CRACR2A: variants seen among roughly 807,000 people sequenced by gnomAD.
CRACR2A encodes calcium release activated channel regulator 2A.
A neutral mutation model predicts 90.5 loss-of-function variants in CRACR2A; 79 were observed. That is an observed-to-expected ratio of 0.87 (90% CI 0.73 to 1.05). CRACR2A has a LOEUF of 1.05. Ranked by LOEUF, CRACR2A falls within the 50% of genes least tolerant of loss-of-function variation. CRACR2A has a pLI of 0.00. For missense variants in CRACR2A, 823 were observed against 897.2 expected, an observed-to-expected ratio of 0.92 and a Z score of 1.06; for synonymous variants, 338 against 356.7, an observed-to-expected ratio of 0.95 and a Z score of 0.59.
chr12:3,734,265 C>T (rs1188357153), intron 1 of CRACR2A, among the ~76,000 whole-genome samples: 1 of 108,220 alleles, frequency 9.2e-6, no homozygotes, highest in Non-Finnish European at 2.2e-5. Context: ...GTATGAGCCA[C>T]CCCACCCGGC....
chr12:3,666,848 G>A (rs1370960441), intron 7 of CRACR2A, among the ~76,000 whole-genome samples: 2 of 152,224 alleles, frequency 1.3e-5, no homozygotes, highest in Non-Finnish European at 2.9e-5. Context: ...CCCCTGCCTA[G>A]GCTGTAGGCA....
chr12:3,736,550 G>A (rs1194684009), intron 1 of CRACR2A, among the ~76,000 whole-genome samples: 2 of 151,882 alleles, frequency 1.3e-5, no homozygotes, highest in South Asian at 2.1e-4. Flanking sequence ...TGTGGGATTC[G>A]CCAGTTGAAA....
At chr12:3,657,454 C>G (rs1430283941) in intron 8 of CRACR2A, among the ~76,000 whole-genome samples, 1 of 152,180 alleles carries the variant, frequency 6.6e-6, no homozygotes, top group South Asian at 2.1e-4. Context: ...GGGAACACGG[C>G]CCCCTCGGGC....
chr12:3,648,454 C>T lies in CRACR2A; in HGVS notation c.1118+88G>A, dbSNP rs79670551. On this transcript the variant is annotated intron_variant, in intron 11 of 19. Coordinates refer to ENST00000440314, the MANE Select transcript of CRACR2A (RefSeq NM_001144958.2). Reference sequence around the variant, plus strand: ...TCTCAGCAGGCACGTTTTTCCAGCACGTAGGCAAGGATGACCCTCAGACTG... The same window carrying T: ...TCTCAGCAGGCACGTTTTTCCAGCATGTAGGCAAGGATGACCCTCAGACTG... 55 of 1,603,860 alleles carry T rather than the reference C, an allele frequency of 3.4e-5. 1 individual carries two copies. In the South Asian group the frequency reaches 5.0e-4, roughly 14 times the overall value.
intron 2 of CRACR2A, among the ~76,000 whole-genome samples, chr12:3,714,844 T>C (rs1946059386): frequency 6.6e-6 from 1 of 152,206 alleles, no homozygotes; most frequent in Admixed American, 6.5e-5. Context: ...CAAAGCAATT[T>C]CACAAAAACA....
At chr12:3,636,891 T>TA (rs1183917263) in intron 14 of CRACR2A, among the ~76,000 whole-genome samples, 2 of 93,284 alleles carry the variant, frequency 2.1e-5, no homozygotes, top group African/African-American at 1.1e-4. Context: ...CTGCAGCCAC[T>TA]GGGAAAAGTT....
At chr12:3,643,870 TTA>T (rs796606678) in intron 12 of CRACR2A, among the ~76,000 whole-genome samples, 506 of 44,648 alleles carry the variant, frequency 0.011, 4 homozygotes, top group East Asian at 0.08. Context: ...ATTATATATA[TTA>T]TATATATTTA....
Position 3,704,762 on chromosome 12 carries a change from G to A in CRACR2A, c.-36-7727C>T, listed in dbSNP as rs74055986. 5.6e-3 allele frequency among the ~76,000 whole-genome samples: 854 copies of A among 152,298 alleles called. 11 individuals carry two copies. Among genetic ancestry groups the A allele is most frequent in the African/African-American group, 0.019 (805 of 41,552 alleles). ...TGGCTGAAAATTAAGCAATTTCCCT[G>A]TGAAAACTTTCAGTCTGTTTGTGGA... On this transcript the variant is annotated intron_variant, in intron 3 of 19. Coordinates refer to ENST00000440314, the MANE Select transcript of CRACR2A (RefSeq NM_001144958.2).
At chr12:3,714,856 C>T (rs1363301478) in intron 2 of CRACR2A, among the ~76,000 whole-genome samples, 1 of 152,228 alleles carries the variant, frequency 6.6e-6, no homozygotes. Flanking sequence ...ACAAAAACAT[C>T]TCCTTCAACC....
At chr12:3,751,157 A>G (rs765274975) in intron 1 of CRACR2A, among the ~76,000 whole-genome samples, 1 of 152,216 alleles carries the variant, frequency 6.6e-6, no homozygotes, top group Non-Finnish European at 1.5e-5. Flanking sequence ...CTCCTCTACA[A>G]TATGGAACAA....
In CRACR2A at chr12:3,679,039, G is replaced by T; in HGVS notation, c.400C>A (p.Gln134Lys). Residue 134 changes from glutamine (Q) to lysine (K), a missense_variant, in exon 6 of 20, where the codon CAG (glutamine) becomes AAG (lysine). Coordinates refer to ENST00000440314, the MANE Select transcript of CRACR2A (RefSeq NM_001144958.2). Reference protein sequence around the residue: ...SQEDAGEQVAQRHEEKVYLSR... With the variant: ...SQEDAGEQVAKRHEEKVYLSR... Reference sequence around the variant, plus strand: ...AGATACACCTTCTCTTCATGGCGCTGGGCCACCTGTTCACCTGCATCTTCC... The same window carrying T: ...AGATACACCTTCTCTTCATGGCGCTTGGCCACCTGTTCACCTGCATCTTCC... 3 of 1,613,898 alleles carry T rather than the reference G, an allele frequency of 1.9e-6. No homozygotes were observed. The highest frequency in any genetic ancestry group is 2.5e-6 in the Non-Finnish European group (3 of 1,179,950).
At chr12:3,618,397 C>T (rs1014869893) in intron 18 of CRACR2A, among the ~76,000 whole-genome samples, 1 of 152,182 alleles carries the variant, frequency 6.6e-6, no homozygotes, top group Non-Finnish European at 1.5e-5. Flanking sequence ...TGAATAGCCT[C>T]GTGTCATTTC....
At chr12:3,637,948 C>T (rs1944486770) in intron 14 of CRACR2A, among the ~76,000 whole-genome samples, 176 bp downstream of exon 14, 2 of 152,192 alleles carry the variant, frequency 1.3e-5, no homozygotes, top group African/African-American at 2.4e-5. Flanking sequence ...CCCTGAGTCT[C>T]CCCGCATGAC....
At chr12:3,718,474 G>A (rs944114715) in intron 2 of CRACR2A, among the ~76,000 whole-genome samples, 4 of 152,180 alleles carry the variant, frequency 2.6e-5, no homozygotes, top group African/African-American at 9.7e-5. Flanking sequence ...GACCTGTACT[G>A]TCCAATACAG....
intron 11 of CRACR2A, among the ~76,000 whole-genome samples, chr12:3,646,126 A>G (rs1448574822): frequency 6.6e-6 from 1 of 152,178 alleles, no homozygotes; most frequent in East Asian, 1.9e-4. Flanking sequence ...TGAGGATGGA[A>G]AAGGAGGAGT....
At chr12:3,696,666 G>A (rs775566564) in intron 4 of CRACR2A, 106 bp downstream of exon 4, 51 of 1,467,246 alleles carry the variant, frequency 3.5e-5, no homozygotes, top group Non-Finnish European at 4.5e-5. Flanking sequence ...AGAACTGGTG[G>A]CATCTTTTCT....
intron 2 of CRACR2A, among the ~76,000 whole-genome samples, chr12:3,725,230 A>C (rs1946242389): frequency 6.6e-6 from 1 of 152,198 alleles, no homozygotes; most frequent in Admixed American, 6.5e-5. Flanking sequence ...AATTATCAAA[A>C]ACCAGGTGTC....
chr12:3,693,333 C>T (rs987578096), intron 4 of CRACR2A, among the ~76,000 whole-genome samples: 2 of 152,222 alleles, frequency 1.3e-5, no homozygotes, highest in Admixed American at 1.3e-4. Context: ...CAAGCGCATC[C>T]AGGCTGGGTC....
rs1945533725 is a variant in CRACR2A, at chr12:3,685,355, TC to T, written c.229-5007del. Among the ~76,000 whole-genome samples the T allele has an allele frequency of 2.0e-5, 3 of 152,212 alleles. No individual in the cohort carries two copies. The South Asian group carries it at 6.2e-4, about 31-fold the overall frequency. On this transcript the variant is annotated intron_variant, in intron 4 of 19. Transcript: ENST00000440314. ...TCAAAAAATTTACAAAATAGAATTATCCTATAATCCAGCAATTCCACTTCTG... is the reference window on the plus strand; with the variant it reads ...TCAAAAAATTTACAAAATAGAATTATCTATAATCCAGCAATTCCACTTCTG...
Sources: gnomAD v4.1 joint callset for allele counts (sites outside exome capture counted in the v4.1 genomes callset) on GRCh38, gnomAD v4.1.1 for gene constraint, MANE v1.5 for transcripts, NCBI Gene and HGNC (gene_info 2026-07-23, HGNC 2026-07-21) for gene names.